Variants in ANGPT1 observed in about 807,000 individuals in gnomAD.
ANGPT1 encodes angiopoietin-1.
A neutral mutation model predicts 62.2 loss-of-function variants in ANGPT1; 17 were observed. The ratio of observed to expected loss-of-function variants is 0.27; its 90% confidence interval spans 0.19 to 0.41. The LOEUF (loss-of-function observed/expected upper bound fraction) is 0.41, where lower values mean the gene tolerates loss of function less well. Ranked by LOEUF, ANGPT1 falls within the 10% of genes least tolerant of loss-of-function variation. The pLI is 1.00. For synonymous variants in ANGPT1, 199 were observed against 198.9 expected, an observed-to-expected ratio of 1.00 and a Z score of 0.00; for missense variants, 478 against 594.9, an observed-to-expected ratio of 0.80 and a Z score of 2.04.
chr8:107,269,458 T>C (rs1429742693), intron 7 of ANGPT1, among the ~76,000 whole-genome samples: 1 of 152,064 alleles, frequency 6.6e-6, no homozygotes, highest in Non-Finnish European at 1.5e-5. Flanking sequence ...TTGTTCCAAA[T>C]AGACTTTCAG....
intron 1 of ANGPT1, among the ~76,000 whole-genome samples, chr8:107,361,784 C>A (rs370170448): frequency 6.6e-6 from 1 of 152,060 alleles, no homozygotes; most frequent in East Asian, 1.9e-4. Context: ...GACAGGCTGG[C>A]GCAGTGGCTC....
At chr8:107,278,232 C>T (rs541966829) in intron 7 of ANGPT1, among the ~76,000 whole-genome samples, 246 of 151,962 alleles carry the variant, frequency 1.6e-3, no homozygotes, top group African/African-American at 5.2e-3. Context: ...TGCAACACCA[C>T]GCCAAGTGAA....
At chr8:107,427,086 C>G (rs984663244) in intron 1 of ANGPT1, among the ~76,000 whole-genome samples, 1 of 152,180 alleles carries the variant, frequency 6.6e-6, no homozygotes, top group Non-Finnish European at 1.5e-5. Flanking sequence ...ACTCTGTTCC[C>G]CATGCACTCC....
Position 107,251,301 on chromosome 8 carries a change from G to A in ANGPT1, c.*554C>T, listed in dbSNP as rs1813243323. 1.3e-5 allele frequency: 2 copies of A among 152,956 alleles called. No individual in the cohort carries two copies. Among genetic ancestry groups the A allele is most frequent in the East Asian group, 3.8e-4 (2 of 5,208 alleles). The allele number at this position is 152,956 out of a possible 1,614,324, so 9.5% of individuals were successfully genotyped here. A position where few individuals can be genotyped will look rare whatever the true frequency, so the allele number is the denominator to read the frequency against. The stretch of plus-strand genomic sequence containing the variant: ...CTAGTAAGTATGATACTGGAATTAG[G>A]CTTCTGAAATCCATTAACATTTAAC... On this transcript the variant is annotated 3_prime_UTR_variant, in exon 9 of 9. Transcript: ENST00000517746.
chr8:107,312,239 G>A (rs139027793), intron 4 of ANGPT1, among the ~76,000 whole-genome samples: 1,709 of 152,270 alleles, frequency 0.011, 21 homozygotes, highest in Middle Eastern at 0.02. Context: ...CTTGCCATTT[G>A]TTCAGGAGCT....
chr8:107,365,266 G>A (rs973610482), intron 1 of ANGPT1, among the ~76,000 whole-genome samples: 2 of 152,076 alleles, frequency 1.3e-5, no homozygotes, highest in African/African-American at 4.8e-5. Context: ...TTATTCATAT[G>A]GTTCACTACC....
At chr8:107,474,225 AG>A (rs1812447247) in intron 1 of ANGPT1, among the ~76,000 whole-genome samples, 1 of 152,148 alleles carries the variant, frequency 6.6e-6, no homozygotes, top group African/African-American at 2.4e-5. Flanking sequence ...AACATCAAAA[AG>A]CTTATCCACC....
At position 107,422,598 on chromosome 8, in the gene ANGPT1, C is replaced by G. The variant is rs1365811170; in HGVS notation, c.297+74664G>C. 2.0e-5 allele frequency among the ~76,000 whole-genome samples: 3 copies of G among 152,122 alleles called. No individual in the cohort carries two copies. The East Asian group carries it at 5.8e-4, about 29-fold the overall frequency. Reference sequence around the variant, plus strand: ...AGAGTGTCTTCCAGTTGCATCTCATCAAAGTTTTTAACATAATCGCCCACA... The same window carrying G: ...AGAGTGTCTTCCAGTTGCATCTCATGAAAGTTTTTAACATAATCGCCCACA... On this transcript the variant is annotated intron_variant, in intron 1 of 8. Transcript: ENST00000517746.
At chr8:107,388,149 A>G (rs899621143) in intron 1 of ANGPT1, among the ~76,000 whole-genome samples, 2 of 152,166 alleles carry the variant, frequency 1.3e-5, no homozygotes, top group African/African-American at 4.8e-5. Flanking sequence ...CATAATTATG[A>G]GTAACAAACG....
chr8:107,329,546 A>G (rs978929516), intron 3 of ANGPT1, among the ~76,000 whole-genome samples: 1 of 152,148 alleles, frequency 6.6e-6, no homozygotes, highest in Non-Finnish European at 1.5e-5. Context: ...ATAGTGGTGT[A>G]AACACGATCT....
chr8:107,301,035 TAATGTTTCA>T (rs1388965183), intron 5 of ANGPT1, among the ~76,000 whole-genome samples: 4 of 151,880 alleles, frequency 2.6e-5, no homozygotes, highest in Non-Finnish European at 5.9e-5. Context: ...TTGCATCTCA[TAATGTTTCA>T]AACTAGAGTG....
At chr8:107,399,381 G>C (rs1221415261) in intron 1 of ANGPT1, among the ~76,000 whole-genome samples, 1 of 152,148 alleles carries the variant, frequency 6.6e-6, no homozygotes, top group Non-Finnish European at 1.5e-5. Flanking sequence ...AACATGTTAA[G>C]TAAAAAAGTT....
At chr8:107,375,808 G>T (rs553771555) in intron 1 of ANGPT1, among the ~76,000 whole-genome samples, 2 of 152,296 alleles carry the variant, frequency 1.3e-5, no homozygotes, top group South Asian at 4.2e-4. Context: ...ACACTGAGAA[G>T]CTGCCCTGAT....
At chr8:107,323,752 T>G (rs569796915) in intron 3 of ANGPT1, among the ~76,000 whole-genome samples, 1 of 152,036 alleles carries the variant, frequency 6.6e-6, no homozygotes, top group South Asian at 2.1e-4. Context: ...ACTGTTTTTT[T>G]GTTTTGCTTT....
At chr8:107,448,335 C>A (rs78825368) in intron 1 of ANGPT1, among the ~76,000 whole-genome samples, 4,787 of 152,174 alleles carry the variant, frequency 0.031, 82 homozygotes, top group Non-Finnish European at 0.044. Context: ...GAAACTGTCC[C>A]TGAAATAGAG....
chr8:107,278,320 G>A (rs957502508), intron 7 of ANGPT1, among the ~76,000 whole-genome samples: 6 of 152,104 alleles, frequency 3.9e-5, no homozygotes, highest in Non-Finnish European at 8.8e-5. Flanking sequence ...CTGACCTCAA[G>A]CAGTCCTCCC....
At chr8:107,491,363 G>C (rs547873279) in intron 1 of ANGPT1, among the ~76,000 whole-genome samples, 9 of 152,080 alleles carry the variant, frequency 5.9e-5, no homozygotes, top group Non-Finnish European at 1.3e-4. Context: ...ATTCTTAGTA[G>C]GCGGAGATAG....
intron 1 of ANGPT1, among the ~76,000 whole-genome samples, chr8:107,481,583 G>C (rs947567048): frequency 3.2e-4 from 44 of 139,238 alleles, no homozygotes; most frequent in Admixed American, 3.0e-3. Context: ...ATCTGTAAAA[G>C]GTACTATATT....
At chr8:107,256,290 T>C (rs2129996404) in intron 8 of ANGPT1, among the ~76,000 whole-genome samples, 1 of 152,336 alleles carries the variant, frequency 6.6e-6, no homozygotes, top group South Asian at 2.1e-4. Context: ...AAGGATTCTC[T>C]GTTTTCTTTG....
Sources: allele counts gnomAD v4.1 joint callset (sites outside exome capture counted in the v4.1 genomes callset), GRCh38; gene constraint gnomAD v4.1.1; transcripts MANE v1.5; gene names NCBI Gene and HGNC (gene_info 2026-07-23, HGNC 2026-07-21).